The following FHDC1 variants were observed in gnomAD, a reference collection of about 807,000 sequenced individuals.
The protein encoded by FHDC1 is FH2 domain-containing protein 1.
FHDC1 carries 25 observed loss-of-function variants against 52.6 expected under a neutral mutation model. The ratio of observed to expected loss-of-function variants is 0.48; its 90% CI spans 0.35 to 0.66. The LOEUF is 0.66. Among genes scored for constraint, FHDC1 ranks in the 30% least tolerant of loss-of-function variants. The probability of loss-of-function intolerance (pLI) is 0.01; values close to 1 mark genes in which losing one functional copy is unlikely to be tolerated. For missense variants in FHDC1, 1,459 were observed against 1,452.8 expected (o/e 1.00, Z -0.07); for synonymous variants, 616 against 581.5 (o/e 1.06, Z -0.85).
chr4:152,927,918 A>C, the FHDC1 span: 22 of 1,418,590 alleles, frequency 1.6e-5, no homozygotes, highest in East Asian at 4.5e-4. Context: ...GGAGCTGTGA[A>C]GCGTAAGAGC....
At chr4:152,917,260 T>C in the FHDC1 span, among the ~76,000 whole-genome samples, 5 of 152,230 alleles carry the variant, frequency 3.3e-5, no homozygotes, top group Non-Finnish European at 5.9e-5. Flanking sequence ...TATTCTGTAC[T>C]ACTATAGATT....
At position 152,961,413 on chromosome 4, in the gene FHDC1, C is replaced by T. The variant is rs117880910; in HGVS notation, c.850+569C>T. 7.2e-5 allele frequency among the ~76,000 whole-genome samples: 11 copies of T among 152,326 alleles called. No individual in the cohort carries two copies. In the East Asian group the frequency reaches 2.1e-3, roughly 29 times the overall value. On this transcript the variant is annotated intron_variant, in intron 6 of 11. Coordinates refer to ENST00000511601, the MANE Select transcript of FHDC1 (RefSeq NM_001371116.1). ...TTAAATTTGAGAGGGGCAGATAGGC[C>T]ATTTTCATTTATTTGAAAAACTCTT...
intron 4 of FHDC1, among the ~76,000 whole-genome samples, chr4:152,955,701 C>T (rs1245055263): frequency 6.6e-6 from 1 of 152,220 alleles, no homozygotes; most frequent in Non-Finnish European, 1.5e-5. Flanking sequence ...TGGTCTTGAA[C>T]TCTTGACATC....
chr4:152,925,823 A>G, the FHDC1 span, among the ~76,000 whole-genome samples: 5 of 151,490 alleles, frequency 3.3e-5, no homozygotes, highest in African/African-American at 1.2e-4. Flanking sequence ...AGTGAAAAAG[A>G]AGAAGAGGGA....
the FHDC1 span, among the ~76,000 whole-genome samples, chr4:152,921,960 G>A: frequency 1.3e-5 from 2 of 152,214 alleles, no homozygotes; most frequent in East Asian, 1.9e-4. Flanking sequence ...AGAGAAGCAA[G>A]AGCAAACATA....
the FHDC1 span, among the ~76,000 whole-genome samples, chr4:152,930,930 T>C: frequency 6.7e-6 from 1 of 149,834 alleles, no homozygotes; most frequent in Non-Finnish European, 1.5e-5. Flanking sequence ...CAAAGACTTA[T>C]GTGGGGTGTG....
chr4:152,963,469 G>A (rs1740347033), intron 8 of FHDC1, among the ~76,000 whole-genome samples: 1 of 152,164 alleles, frequency 6.6e-6, no homozygotes, highest in Non-Finnish European at 1.5e-5. Context: ...GATCTCTTTT[G>A]TTTTTGTTTT....
the FHDC1 span, among the ~76,000 whole-genome samples, chr4:152,923,256 C>T: frequency 6.6e-6 from 1 of 152,154 alleles, no homozygotes; most frequent in Non-Finnish European, 1.5e-5. Flanking sequence ...CTCCCATTCA[C>T]AATTACTTCA....
intron 1 of FHDC1, among the ~76,000 whole-genome samples, chr4:152,939,750 G>A (rs1247766237): frequency 1.3e-5 from 2 of 152,158 alleles, no homozygotes; most frequent in Admixed American, 1.3e-4. Context: ...GCCCAGCCAT[G>A]ACAGCTCTGC....
Position 152,979,108 on chromosome 4 carries a change from G to A in FHDC1, c.*2385G>A, listed in dbSNP as rs1172997226. ...GATTTGTGGATAGCAGAGGGATCGGGACCTCTTGGAGGAACCCTGGGTACC... is the reference window on the plus strand; with the variant it reads ...GATTTGTGGATAGCAGAGGGATCGGAACCTCTTGGAGGAACCCTGGGTACC... On this transcript the variant is annotated 3_prime_UTR_variant, in exon 12 of 12. Transcript: ENST00000511601. The A allele has an allele frequency of 6.6e-6, 1 of 152,216 alleles. No homozygotes were observed. Among genetic ancestry groups the A allele is most frequent in the Non-Finnish European group, 1.5e-5 (1 of 68,054 alleles). The allele number at this position is 152,216 out of a possible 1,614,324, so 9.4% of individuals were successfully genotyped here.
chr4:152,950,233 A>G (rs1739883218), intron 2 of FHDC1, among the ~76,000 whole-genome samples: 1 of 152,174 alleles, frequency 6.6e-6, no homozygotes, highest in Non-Finnish European at 1.5e-5. Flanking sequence ...GAGAGCAAGC[A>G]TTTGGGAAGT....
At chr4:152,945,479 CAG>C (rs1164470407) in intron 2 of FHDC1, among the ~76,000 whole-genome samples, 2 of 151,944 alleles carry the variant, frequency 1.3e-5, no homozygotes, top group Non-Finnish European at 2.9e-5. Flanking sequence ...TTTTTTGAGA[CAG>C]AGTCTCATTC....
chr4:152,937,241 G>A (rs1217669319), intron 1 of FHDC1, among the ~76,000 whole-genome samples: 8 of 152,224 alleles, frequency 5.3e-5, no homozygotes, highest in Non-Finnish European at 1.0e-4. Flanking sequence ...CTGGATGGGG[G>A]ACGTGGGAAG....
chr4:152,971,152 G>A lies in FHDC1; in HGVS notation c.1219-1225G>A, dbSNP rs144638062. Among the ~76,000 whole-genome samples, 99 of 152,076 alleles carry A rather than the reference G, an allele frequency of 6.5e-4. 1 individual carries two copies. Among genetic ancestry groups the A allele is most frequent in the African/African-American group, 2.0e-3 (83 of 41,494 alleles). ...AGGGAGGCTGAGGTGGGAGGATGGC[G>A]TGAGGCCTTCCTGGGAAACATAGGG... On this transcript the variant is annotated intron_variant, in intron 10 of 11. Coordinates refer to ENST00000511601, the MANE Select transcript of FHDC1 (RefSeq NM_001371116.1).
intron 2 of FHDC1, among the ~76,000 whole-genome samples, chr4:152,949,963 G>A (rs72725628): frequency 0.032 from 4,939 of 152,290 alleles, 135 homozygotes; most frequent in East Asian, 0.084. Flanking sequence ...CTTCTGTGGC[G>A]GTCCTGCCTG....
chr4:152,925,885 G>A, the FHDC1 span, among the ~76,000 whole-genome samples: 1 of 151,726 alleles, frequency 6.6e-6, no homozygotes, highest in Non-Finnish European at 1.5e-5. Flanking sequence ...GAAGGAGGAG[G>A]AGGAGGAGGA....
intron 10 of FHDC1, among the ~76,000 whole-genome samples, chr4:152,968,859 CT>C (rs1412282661): frequency 6.6e-6 from 1 of 152,166 alleles, no homozygotes; most frequent in Non-Finnish European, 1.5e-5. Context: ...CATTTCTTCA[CT>C]TGTTTATGTT....
chr4:152,978,686 G>A lies in FHDC1; in HGVS notation c.*1963G>A, dbSNP rs940944030. The A allele has an allele frequency of 2.0e-5, 3 of 151,914 alleles. No homozygotes were observed. The highest frequency in any genetic ancestry group is 7.3e-5 in the African/African-American group (3 of 41,330). The allele number at this position is 151,914 out of a possible 1,614,324, so 9.4% of individuals were successfully genotyped here. ...TTTTAATTTTAGGTCACTTATTAGT[G>A]AAACCTCATTTTAGATCTGACATTG... On this transcript the variant is annotated 3_prime_UTR_variant, in exon 12 of 12. Coordinates refer to ENST00000511601, the MANE Select transcript of FHDC1 (RefSeq NM_001371116.1).
In FHDC1 at chr4:152,942,990, C is replaced by T; in HGVS notation, c.-68C>T. ...GATAGCAGCAGGTGAAAAAGTGCTA[C>T]ACAAGTTTGATGTTTGTGTCTTCTT... On this transcript the variant is annotated 5_prime_UTR_variant, in exon 2 of 12. Coordinates refer to ENST00000511601, the MANE Select transcript of FHDC1 (RefSeq NM_001371116.1). The T allele has an allele frequency of 3.3e-6, 5 of 1,532,374 alleles. No individual in the cohort carries two copies. In the South Asian group the frequency reaches 3.8e-5, roughly 12 times the overall value. 94.9% of individuals were successfully genotyped at this position (1,532,374 alleles called of 1,614,324 possible). A position where few individuals can be genotyped will look rare whatever the true frequency, so the allele number is the denominator to read the frequency against.
Sources: allele counts gnomAD v4.1 joint callset (sites outside exome capture counted in the v4.1 genomes callset), GRCh38; gene constraint gnomAD v4.1.1; transcripts MANE v1.5; gene names NCBI Gene and HGNC (gene_info 2026-07-23, HGNC 2026-07-21).